The following OLFML1 variants were observed in gnomAD, a reference collection of about 807,000 sequenced individuals.
OLFML1 encodes olfactomedin like 1.
In OLFML1, 33 loss-of-function variants were observed where a neutral mutation model predicts 37.3. The observed-to-expected ratio is 0.88, with a 90% CI of 0.67 to 1.18. OLFML1 has a LOEUF of 1.18. Ranked by LOEUF, OLFML1 falls within the 50% of genes most tolerant of loss-of-function variation. The pLI is 0.00. For synonymous variants in OLFML1, 186 were observed against 181.3 expected (o/e 1.03, Z -0.21); for missense variants, 545 against 483.7 (o/e 1.13, Z -1.19).
At chr11:7,494,411 C>G (rs1349729181) in intron 2 of OLFML1, among the ~76,000 whole-genome samples, 1 of 152,168 alleles carries the variant, frequency 6.6e-6, no homozygotes, top group Non-Finnish European at 1.5e-5. Flanking sequence ...TCTCACTGGA[C>G]TATGTCATGC....
intron 1 of OLFML1, among the ~76,000 whole-genome samples, chr11:7,487,788 C>G (rs1163718304): frequency 6.6e-6 from 1 of 151,974 alleles, no homozygotes; most frequent in East Asian, 1.9e-4. Context: ...AAATGGAATG[C>G]TCTCATTAAA....
At chr11:7,507,586 G>A (rs1474049696) in intron 2 of OLFML1, among the ~76,000 whole-genome samples, 1 of 148,100 alleles carries the variant, frequency 6.8e-6, no homozygotes, top group African/African-American at 2.5e-5. Flanking sequence ...GTCTCGTTCT[G>A]TTGCCAGGCT....
intron 2 of OLFML1, among the ~76,000 whole-genome samples, chr11:7,508,886 C>A (rs949849168): frequency 6.6e-6 from 1 of 152,204 alleles, no homozygotes; most frequent in Admixed American, 6.5e-5. Context: ...GTCTTCACAC[C>A]TAAGTCATTC....
At position 7,510,196 on chromosome 11, in the gene OLFML1, C is replaced by T. The variant is rs765242372; in HGVS notation, c.*8C>T. 4 of 1,593,032 alleles carry T rather than the reference C, an allele frequency of 2.5e-6. No individual in the cohort carries two copies. Among genetic ancestry groups the T allele is most frequent in the Non-Finnish European group, 3.4e-6 (4 of 1,174,658 alleles). ...AAGCTGCCTCTGAAGTAATGCATTA[C>T]AGCTGTGAGAAAGAGCACTGTGGCT... On this transcript the variant is annotated 3_prime_UTR_variant, in exon 3 of 3. Coordinates refer to ENST00000329293, the MANE Select transcript of OLFML1 (RefSeq NM_198474.4).
intron 2 of OLFML1, among the ~76,000 whole-genome samples, chr11:7,496,002 C>T (rs759976154): frequency 7.2e-5 from 11 of 152,216 alleles, no homozygotes; most frequent in Admixed American, 6.5e-5. Context: ...TAGCAAACCA[C>T]GCCTAAACTT....
At chr11:7,487,211 C>A (rs908976645) in intron 1 of OLFML1, among the ~76,000 whole-genome samples, 1 of 152,218 alleles carries the variant, frequency 6.6e-6, no homozygotes, top group African/African-American at 2.4e-5. Context: ...CCACCCCAGT[C>A]CTGACCTGAG....
Position 7,488,297 on chromosome 11 carries a change from C to G in OLFML1, c.300C>G (p.Asp100Glu), listed in dbSNP as rs1848551681. Residue 100 changes from aspartate to glutamate, a missense_variant, in exon 2 of 3, where the codon GAC (aspartate) becomes GAG (glutamate). By Grantham distance (45) the Asp-to-Glu change is conservative. Transcript: ENST00000329293. ...TTGAACGTGCCCAACGGGAGATTGA[C>G]TACATACAATACCTTCGAGAGGCTG... The part of the protein sequence containing the change: ...LRVERAQREI[D>E]YIQYLREADE... The G allele has an allele frequency of 1.2e-6, 2 of 1,614,084 alleles. No homozygotes were observed. The highest frequency in any genetic ancestry group is 1.7e-6 in the Non-Finnish European group (2 of 1,179,980).
intron 2 of OLFML1, among the ~76,000 whole-genome samples, chr11:7,490,272 C>T (rs775451788): frequency 9.4e-4 from 143 of 151,998 alleles, no homozygotes; most frequent in Non-Finnish European, 1.8e-3. Context: ...ATGAATCATC[C>T]TCAAAGAGGG....
At chr11:7,497,774 T>G (rs147080456) in intron 2 of OLFML1, among the ~76,000 whole-genome samples, 4 of 152,278 alleles carry the variant, frequency 2.6e-5, no homozygotes, top group African/African-American at 9.6e-5. Flanking sequence ...AAACCTATGA[T>G]ACGGATTTAA....
At chr11:7,495,461 A>G (rs1288249892) in intron 2 of OLFML1, among the ~76,000 whole-genome samples, 1 of 152,142 alleles carries the variant, frequency 6.6e-6, no homozygotes, top group African/African-American at 2.4e-5. Flanking sequence ...GGTATCCGCT[A>G]TATGTGTTGT....
intron 2 of OLFML1, among the ~76,000 whole-genome samples, chr11:7,505,909 C>T (rs1288024253): frequency 2.6e-5 from 4 of 152,312 alleles, no homozygotes; most frequent in African/African-American, 9.6e-5. Flanking sequence ...TGATCTTATC[C>T]TGATTCATAT....
rs143669812 is a variant in OLFML1 at position 7,488,286 on chromosome 11, C to T, written c.289C>T (p.Arg97Trp). 8.1e-5 allele frequency: 131 copies of T among 1,614,044 alleles called. No individual in the cohort carries two copies. The highest frequency in any genetic ancestry group is 1.6e-4 in the African/African-American group (12 of 74,994). ...GGCACTGAGAGTTGAACGTGCCCAA[C>T]GGGAGATTGACTACATACAATACCT... is the stretch of plus-strand genomic sequence containing the variant. ...NLALRVERAQ[R>W]EIDYIQYLRE... The change falls in exon 2 of 3, where the codon CGG (arginine) becomes TGG (tryptophan). Residue 97 changes from arginine (R) to tryptophan (W), a missense_variant. Coordinates refer to ENST00000329293, the MANE Select transcript of OLFML1 (RefSeq NM_198474.4).
At chr11:7,499,332 G>A (rs3923014) in intron 2 of OLFML1, among the ~76,000 whole-genome samples, 12,149 of 152,212 alleles carry the variant, frequency 0.08, 607 homozygotes, top group Admixed American at 0.15. Context: ...ATCTTGGCTG[G>A]ACCCAAAGGT....
chr11:7,489,926 T>C (rs1476304881), intron 2 of OLFML1, among the ~76,000 whole-genome samples: 1 of 152,118 alleles, frequency 6.6e-6, no homozygotes, highest in African/African-American at 2.4e-5. Flanking sequence ...ATTTATTGGC[T>C]CATAGGTTAT....
Position 7,510,302 on chromosome 11 carries a change from G to A in OLFML1, c.*114G>A. The A allele has an allele frequency of 1.2e-6, 1 of 856,044 alleles. No homozygotes were observed. Among genetic ancestry groups the A allele is most frequent in the Non-Finnish European group, 1.8e-6 (1 of 570,854 alleles). The allele number at this position is 856,044 out of a possible 1,614,324, so 53.0% of individuals were successfully genotyped here. On this transcript the variant is annotated 3_prime_UTR_variant, in exon 3 of 3. Coordinates refer to ENST00000329293, the MANE Select transcript of OLFML1 (RefSeq NM_198474.4). Reference sequence around the variant, plus strand: ...CTCTAATCACACACAGGAAGAGTGTGTAGAAGTGGAAATACGTATGCCTCC... The same window carrying A: ...CTCTAATCACACACAGGAAGAGTGTATAGAAGTGGAAATACGTATGCCTCC...
intron 2 of OLFML1, among the ~76,000 whole-genome samples, chr11:7,501,730 G>A (rs1447590166): frequency 6.6e-6 from 1 of 152,168 alleles, no homozygotes; most frequent in African/African-American, 2.4e-5. Flanking sequence ...AAGCTTTAAA[G>A]TACTTTACAA....
chr11:7,505,789 C>T (rs904139663), intron 2 of OLFML1, among the ~76,000 whole-genome samples: 1 of 152,150 alleles, frequency 6.6e-6, no homozygotes, highest in Non-Finnish European at 1.5e-5. Flanking sequence ...CACGATCATG[C>T]CACTGCACTC....
chr11:7,505,063 G>A (rs1317515861), intron 2 of OLFML1, among the ~76,000 whole-genome samples: 3 of 151,230 alleles, frequency 2.0e-5, no homozygotes. Flanking sequence ...GAGTAGCTGG[G>A]ACTACAGGTA....
chr11:7,500,383 TC>T (rs1233183880), intron 2 of OLFML1, among the ~76,000 whole-genome samples: 1 of 152,178 alleles, frequency 6.6e-6, no homozygotes, highest in Non-Finnish European at 1.5e-5. Context: ...CCCATTGCCC[TC>T]ATCCACCCTT....
Sources: allele counts gnomAD v4.1 joint callset (sites outside exome capture counted in the v4.1 genomes callset), GRCh38; gene constraint gnomAD v4.1.1; transcripts MANE v1.5; gene names NCBI Gene and HGNC (gene_info 2026-07-23, HGNC 2026-07-21).